The following MED6 variants were observed in gnomAD, a reference collection of about 807,000 sequenced individuals.
The protein encoded by MED6 is mediator of RNA polymerase II transcription subunit 6.
A neutral mutation model predicts 37.5 loss-of-function variants in MED6; 33 were observed. That is an observed-to-expected ratio of 0.88 (90% CI 0.67 to 1.18). MED6 has a LOEUF of 1.18. Among genes scored for constraint, MED6 ranks in the 50% most tolerant of loss-of-function variants. The pLI is 0.00. For missense variants in MED6, 235 were observed against 290.6 expected (o/e 0.81, Z 1.39); for synonymous variants, 94 against 93.6 (o/e 1.00, Z -0.02).
intron 6 of MED6, among the ~76,000 whole-genome samples, chr14:70,586,293 G>A (rs1321432254): frequency 1.3e-5 from 2 of 151,982 alleles, no homozygotes; most frequent in African/African-American, 4.8e-5. Flanking sequence ...CCAATCTATA[G>A]GAAAAAAAGA....
intron 3 of MED6, chr14:70,596,296 G>A (rs8009390): frequency 0.026 from 5,746 of 224,004 alleles, 314 homozygotes; most frequent in African/African-American, 0.12. Context: ...CTGGATGGAG[G>A]GCACACTCTG....
intron 6 of MED6, among the ~76,000 whole-genome samples, chr14:70,589,728 T>C (rs545989142): frequency 1.2e-4 from 18 of 152,312 alleles, no homozygotes; most frequent in African/African-American, 4.1e-4. Flanking sequence ...TTGCATAGCA[T>C]ACAAAATCCT....
rs759833097 is a variant in MED6 at position 70,584,176 on chromosome 14, T to C, written c.*637A>G. The C allele has an allele frequency of 1.1e-5, 8 of 757,130 alleles. No individual in the cohort carries two copies. The highest frequency in any genetic ancestry group is 4.9e-5 in the East Asian group (2 of 41,006). 46.9% of individuals were successfully genotyped at this position (757,130 alleles called of 1,614,324 possible). A position where few individuals can be genotyped will look rare whatever the true frequency, so the allele number is the denominator to read the frequency against. ...TTAGTTACTACTTTAACATCCTTTATGTCTTCAAAGTGCATCTGAAAAATA... is the reference window on the plus strand; with the variant it reads ...TTAGTTACTACTTTAACATCCTTTACGTCTTCAAAGTGCATCTGAAAAATA... On this transcript the variant is annotated 3_prime_UTR_variant, in exon 8 of 8. Coordinates refer to ENST00000256379, the MANE Select transcript of MED6 (RefSeq NM_005466.4).
In MED6 at chr14:70,593,392, A is replaced by G. The variant is rs925220564; in HGVS notation, c.275-14T>C. On this transcript the variant is annotated splice_polypyrimidine_tract_variant and intron_variant, in intron 3 of 7. Coordinates refer to ENST00000256379, the MANE Select transcript of MED6 (RefSeq NM_005466.4). ...CTAGTGGGATAACTAAAACAGTGGGAAAAAAGGTTTATAAATACAGCTATG... is the reference window on the plus strand; with the variant it reads ...CTAGTGGGATAACTAAAACAGTGGGGAAAAAGGTTTATAAATACAGCTATG... 3 of 1,587,334 alleles carry G rather than the reference A, an allele frequency of 1.9e-6. No individual in the cohort carries two copies. Among genetic ancestry groups the G allele is most frequent in the African/African-American group, 1.3e-5 (1 of 74,374 alleles).
chr14:70,591,491 G>T lies in MED6; in HGVS notation c.467-110C>A, dbSNP rs564397555. The T allele has an allele frequency of 6.0e-5, 47 of 785,780 alleles. 1 individual carries two copies. In the South Asian group the frequency reaches 7.0e-4, roughly 12 times the overall value. 48.7% of individuals were successfully genotyped at this position (785,780 alleles called of 1,614,324 possible). On this transcript the variant is annotated intron_variant, in intron 5 of 7. Coordinates refer to ENST00000256379, the MANE Select transcript of MED6 (RefSeq NM_005466.4). ...TACCCAAACTTCATTATTTTTAATG[G>T]CTGCTATACCAAAGATAATTCCCAA...
In MED6 at chr14:70,597,741, C is replaced by A. The variant is rs763992315; in HGVS notation, c.59G>T (p.Trp20Leu). The change falls in exon 2 of 8, where the codon TGG becomes TTG. Residue 20 changes from tryptophan to leucine, a missense_variant. Physicochemically the swap from Trp to Leu is moderately conservative, Grantham distance 61. Transcript: ENST00000256379. ...LLGISWVDSS[W>L]IPILNSGSVL... ...ACTACCACTGTTCAAAATAGGGATC[C>A]AAGAGCTGTCAACCCAAGAAATTCC... 9.0e-6 allele frequency: 14 copies of A among 1,550,844 alleles called. No individual in the cohort carries two copies. The highest frequency in any genetic ancestry group is 1.2e-5 in the Non-Finnish European group (14 of 1,160,696).
intron 3 of MED6, chr14:70,596,079 A>G (rs1406501560): frequency 4.4e-6 from 1 of 227,520 alleles, no homozygotes; most frequent in Non-Finnish European, 8.7e-6. Flanking sequence ...AACATTTCCT[A>G]TATGATAGTT....
At chr14:70,595,272 A>C (rs1264084590) in intron 3 of MED6, 17 of 547,646 alleles carry the variant, frequency 3.1e-5, no homozygotes, top group African/African-American at 9.4e-5. Context: ...AAATCTCAGG[A>C]CCTCGCCAAG....
At chr14:70,594,909 TAAG>T (rs1225191934) in intron 3 of MED6, 8 of 617,940 alleles carry the variant, frequency 1.3e-5, no homozygotes, top group Admixed American at 3.7e-5. Context: ...AGCACCTGGA[TAAG>T]AAGGGACCCC....
At chr14:70,596,472 C>T (rs901503150) in intron 3 of MED6, 139 bp downstream of exon 3, 13 of 598,752 alleles carry the variant, frequency 2.2e-5, no homozygotes, top group Non-Finnish European at 3.5e-5. Context: ...CTGGTGAGTC[C>T]TCCAGCATAG....
At chr14:70,585,174 G>A (rs1884667739) in intron 7 of MED6, among the ~76,000 whole-genome samples, 1 of 152,164 alleles carries the variant, frequency 6.6e-6, no homozygotes. Flanking sequence ...ATTTAAGTAA[G>A]ACAGTATGTA....
intron 3 of MED6, chr14:70,596,077 C>T: frequency 4.4e-6 from 1 of 229,854 alleles, no homozygotes. Context: ...GAAACATTTC[C>T]TATATGATAG....
intron 6 of MED6, among the ~76,000 whole-genome samples, chr14:70,590,906 A>C (rs1437731395): frequency 6.6e-6 from 1 of 152,230 alleles, no homozygotes; most frequent in Admixed American, 6.5e-5. Context: ...GGTTGTTCAG[A>C]TATCTACTAC....
chr14:70,595,044 T>C (rs996396625), intron 3 of MED6: 5 of 559,612 alleles, frequency 8.9e-6, no homozygotes, highest in Admixed American at 3.8e-5. Context: ...TTGCTGCTGA[T>C]AGAGTCAAGT....
rs759049696 is a variant in MED6, at chr14:70,600,598, T to C, written c.22+18A>G. On this transcript the variant is annotated intron_variant, in intron 1 of 7. Coordinates refer to ENST00000256379, the MANE Select transcript of MED6 (RefSeq NM_005466.4). ...GTCCACAGACAATCAAGAGACAAAA[T>C]ATAGCAATACAGTATACCTCGGATA... The C allele has an allele frequency of 5.6e-6, 9 of 1,612,856 alleles. No homozygotes were observed. The highest frequency in any genetic ancestry group is 1.1e-5 in the South Asian group (1 of 90,986).
chr14:70,587,455 T>C (rs561584038), intron 6 of MED6, among the ~76,000 whole-genome samples: 6 of 152,264 alleles, frequency 3.9e-5, no homozygotes, highest in Admixed American at 1.3e-4. Context: ...CAAAGTAATT[T>C]TGAGGGAATA....
chr14:70,588,688 A>AAATT (rs1555358745), intron 6 of MED6, among the ~76,000 whole-genome samples: 1 of 134,638 alleles, frequency 7.4e-6, no homozygotes, highest in African/African-American at 2.7e-5. Context: ...TCCGTCTCAA[A>AAATT]AATAATAATA....
chr14:70,592,693 C>T, intron 5 of MED6, 187 bp downstream of exon 5: 1 of 492,336 alleles, frequency 2.0e-6, no homozygotes, highest in East Asian at 3.8e-5. Flanking sequence ...AGTGAACTTG[C>T]ATCTGTTCCT....
intron 1 of MED6, among the ~76,000 whole-genome samples, chr14:70,598,430 G>A (rs1240899706): frequency 2.0e-5 from 3 of 151,984 alleles, no homozygotes; most frequent in Admixed American, 6.6e-5. Context: ...AGCTGAGATC[G>A]CGCCACTGCA....
Sources: allele counts gnomAD v4.1 joint callset (sites outside exome capture counted in the v4.1 genomes callset), GRCh38; gene constraint gnomAD v4.1.1; transcripts MANE v1.5; gene names NCBI Gene and HGNC (gene_info 2026-07-23, HGNC 2026-07-21).